TTK: variants seen among roughly 807,000 people sequenced by gnomAD.
TTK encodes the protein TTK protein kinase, also known as dual specificity protein kinase TTK.
A neutral mutation model predicts 117.3 loss-of-function variants in TTK; 59 were observed. The ratio of observed to expected loss-of-function variants is 0.50; its 90% confidence interval spans 0.41 to 0.62. The LOEUF is 0.62. Ranked by LOEUF, TTK falls within the 20% of genes least tolerant of loss-of-function variation. The pLI, the probability that TTK is intolerant of heterozygous loss-of-function variation, is 0.00. For missense variants in TTK, 921 were observed against 989.4 expected, an observed-to-expected ratio of 0.93 and a Z score of 0.93; for synonymous variants, 302 against 325.0, an observed-to-expected ratio of 0.93 and a Z score of 0.76.
chr6:80,013,563 G>C, intron 9 of TTK, 197 bp downstream of exon 9: 1 of 442,418 alleles, frequency 2.3e-6, no homozygotes. Context: ...CAAGATTAAG[G>C]TGGTAGAGCA....
At chr6:80,035,955 C>G (rs1767896575) in intron 16 of TTK, among the ~76,000 whole-genome samples, 1 of 151,888 alleles carries the variant, frequency 6.6e-6, no homozygotes, top group Non-Finnish European at 1.5e-5. Context: ...TGTAATTTAT[C>G]TCCTCCTCAT....
chr6:80,007,136 C>T (rs539517769), intron 2 of TTK, among the ~76,000 whole-genome samples: 29 of 152,042 alleles, frequency 1.9e-4, no homozygotes, highest in Non-Finnish European at 3.8e-4. Flanking sequence ...CAGAGAGAAA[C>T]CTGACAGTCA....
At chr6:80,020,655 A>G (rs1767434124) in intron 10 of TTK, among the ~76,000 whole-genome samples, 1 of 152,258 alleles carries the variant, frequency 6.6e-6, no homozygotes, top group African/African-American at 2.4e-5. Flanking sequence ...ATAGTCCAGG[A>G]AAGAGCTCAC....
chr6:80,008,145 CA>C, intron 3 of TTK, 114 bp downstream of exon 3: 1 of 1,273,398 alleles, frequency 7.9e-7, no homozygotes, highest in African/African-American at 1.5e-5. Flanking sequence ...ATTTTTTTAC[CA>C]AATACTTTTG....
intron 13 of TTK, among the ~76,000 whole-genome samples, chr6:80,029,561 G>A (rs1314467913): frequency 1.3e-5 from 2 of 152,248 alleles, no homozygotes; most frequent in Admixed American, 1.3e-4. Context: ...GATGACAAGT[G>A]AAGGGGCTTG....
intron 10 of TTK, among the ~76,000 whole-genome samples, chr6:80,015,248 C>G (rs1488131385): frequency 6.6e-6 from 1 of 152,084 alleles, no homozygotes; most frequent in Non-Finnish European, 1.5e-5. Flanking sequence ...TAAAATGTTT[C>G]AGGAACAAGA....
chr6:80,035,572 A>G (rs1767884340), intron 16 of TTK, among the ~76,000 whole-genome samples, 155 bp downstream of exon 16: 1 of 152,120 alleles, frequency 6.6e-6, no homozygotes. Context: ...AAGGAACAAA[A>G]CCATTTCTTA....
chr6:80,013,169 T>C (rs1767206324), intron 8 of TTK, 110 bp from the exon 9 acceptor site: 2 of 836,928 alleles, frequency 2.4e-6, no homozygotes, highest in Non-Finnish European at 3.7e-6. Flanking sequence ...GAGATTTTTT[T>C]CAATAAAAAG....
chr6:80,013,387 T>C, intron 9 of TTK, 21 bp downstream of exon 9: 1 of 1,563,030 alleles, frequency 6.4e-7, no homozygotes. Context: ...TCTATATCAT[T>C]ATATAAAGCA....
chr6:80,008,259 T>A (rs1314987751), intron 3 of TTK, 127 bp from the exon 4 acceptor site: 1 of 1,043,154 alleles, frequency 9.6e-7, no homozygotes, highest in Non-Finnish European at 1.4e-6. Context: ...AAATAACTTA[T>A]TAGTATTTAA....
chr6:80,019,347 A>G (rs558482999), intron 10 of TTK, among the ~76,000 whole-genome samples: 68 of 152,348 alleles, frequency 4.5e-4, no homozygotes, highest in African/African-American at 1.6e-3. Flanking sequence ...TAGCAGTTGG[A>G]GAATGCCCAG....
At chr6:80,034,467 CTG>C (rs1767841001) in intron 14 of TTK, among the ~76,000 whole-genome samples, 1 of 152,164 alleles carries the variant, frequency 6.6e-6, no homozygotes, top group Non-Finnish European at 1.5e-5. Context: ...TGAATTGACT[CTG>C]TATCATAGCC....
intron 10 of TTK, among the ~76,000 whole-genome samples, chr6:80,017,289 T>C (rs906554646): frequency 6.6e-6 from 1 of 152,164 alleles, no homozygotes; most frequent in Admixed American, 6.5e-5. Context: ...TGTCTTTTTC[T>C]TTTTTTGAGA....
intron 8 of TTK, 73 bp from the exon 9 acceptor site, chr6:80,013,206 G>A (rs1263630958): frequency 2.4e-6 from 3 of 1,235,784 alleles, no homozygotes; most frequent in Non-Finnish European, 3.4e-6. Context: ...AATCCAACTT[G>A]AGATGAAAAA....
At chr6:80,005,700 A>C (rs1766972789) in intron 1 of TTK, 142 bp from the exon 2 acceptor site, 2 of 864,230 alleles carry the variant, frequency 2.3e-6, no homozygotes, top group African/African-American at 3.4e-5. Flanking sequence ...ACTTACCTCC[A>C]TTAATACTAG....
chr6:80,025,851 T>G (rs1767590392), intron 11 of TTK, among the ~76,000 whole-genome samples: 1 of 150,792 alleles, frequency 6.6e-6, no homozygotes. Flanking sequence ...GGATGAATCC[T>G]ATAGGTTCTT....
At chr6:80,012,065 T>A in intron 8 of TTK, 85 bp downstream of exon 8, 1 of 1,020,382 alleles carries the variant, frequency 9.8e-7, no homozygotes, top group Non-Finnish European at 1.4e-6. Context: ...TACTGAGTAA[T>A]AGTAATTATG....
intron 10 of TTK, 103 bp from the exon 11 acceptor site, chr6:80,022,221 A>G: frequency 8.1e-7 from 1 of 1,228,768 alleles, no homozygotes; most frequent in Non-Finnish European, 1.1e-6. Flanking sequence ...GATTGTTTTT[A>G]AGAACTAAAT....
chr6:80,039,665 A>G (rs781002321), intron 18 of TTK, 31 bp from the exon 19 acceptor site: 1 of 1,474,558 alleles, frequency 6.8e-7, no homozygotes, highest in Non-Finnish European at 8.9e-7. Flanking sequence ...AATAACAGCA[A>G]CTTTTTTGTG....
Sources: gnomAD v4.1 joint callset for allele counts (sites outside exome capture counted in the v4.1 genomes callset) on GRCh38, gnomAD v4.1.1 for gene constraint, MANE v1.5 for transcripts, NCBI Gene and HGNC (gene_info 2026-07-23, HGNC 2026-07-21) for gene names.